Variants in TCF12 observed in about 807,000 individuals in gnomAD.
TCF12 encodes DNA-binding protein HTF4.
Under a neutral mutation model 86.0 loss-of-function variants are expected in TCF12, and 45 were observed. The observed-to-expected ratio is 0.52, with a 90% CI of 0.41 to 0.67. The LOEUF is 0.67. Among genes scored for constraint, TCF12 ranks in the 30% least tolerant of loss-of-function variants. The pLI, the probability that TCF12 is intolerant of heterozygous loss-of-function variation, is 0.00. For missense variants in TCF12, 881 were observed against 859.9 expected (o/e 1.02, Z -0.31); for synonymous variants, 330 against 299.6 (o/e 1.10, Z -1.05).
chr15:57,184,263 A>G (rs987642849), intron 6 of TCF12, among the ~76,000 whole-genome samples: 5 of 152,184 alleles, frequency 3.3e-5, no homozygotes, highest in African/African-American at 1.2e-4. Flanking sequence ...GCCATAGCCA[A>G]TACATAAATG....
intron 3 of TCF12, among the ~76,000 whole-genome samples, chr15:56,967,305 G>GA (rs574203841): frequency 5.6e-4 from 80 of 142,932 alleles, no homozygotes; most frequent in Admixed American, 6.9e-4. Flanking sequence ...TAAATACAAA[G>GA]AAAAAAAAAA....
chr15:56,989,730 C>G (rs1221335477), intron 3 of TCF12, among the ~76,000 whole-genome samples: 1 of 152,074 alleles, frequency 6.6e-6, no homozygotes, highest in Non-Finnish European at 1.5e-5. Flanking sequence ...CTTTTTGTCT[C>G]CCTAGTAGAA....
At chr15:57,261,613 C>T (rs1463733774) in intron 16 of TCF12, among the ~76,000 whole-genome samples, 2 of 152,008 alleles carry the variant, frequency 1.3e-5, no homozygotes, top group Non-Finnish European at 2.9e-5. Flanking sequence ...AAACTTCATC[C>T]GTAACAAGTT....
chr15:56,981,628 C>G lies in TCF12; in HGVS notation c.148+60530C>G, dbSNP rs543443830. On this transcript the variant is annotated intron_variant, in intron 3 of 20. Coordinates refer to ENST00000333725, the MANE Select transcript of TCF12 (RefSeq NM_207037.2). ...TTGAACAACATGGGGGTTAGAGGCT[C>G]TGACTCCCCACACAGCAAAATCTCT... Among the ~76,000 whole-genome samples the G allele has an allele frequency of 3.9e-5, 6 of 152,286 alleles. No homozygotes were observed. In the East Asian group the frequency reaches 1.2e-3, roughly 29 times the overall value.
intron 3 of TCF12, among the ~76,000 whole-genome samples, chr15:56,935,934 A>G (rs994200728): frequency 6.6e-6 from 1 of 152,140 alleles, no homozygotes; most frequent in Non-Finnish European, 1.5e-5. Flanking sequence ...TATTTTTGCA[A>G]TTGTGAATTG....
chr15:57,105,904 AG>A (rs112322470), intron 5 of TCF12, among the ~76,000 whole-genome samples: 3 of 152,330 alleles, frequency 2.0e-5, no homozygotes, highest in African/African-American at 7.2e-5. Flanking sequence ...GTTCGTTATA[AG>A]GGGTATTTAA....
chr15:57,232,664 A>T, intron 10 of TCF12, 48 bp from the exon 11 acceptor site: 1 of 1,570,934 alleles, frequency 6.4e-7, no homozygotes, highest in Non-Finnish European at 8.6e-7. Context: ...TTTTATGTGA[A>T]TATTATTCAG....
At chr15:57,135,551 T>A (rs1237278032) in intron 5 of TCF12, among the ~76,000 whole-genome samples, 1 of 152,198 alleles carries the variant, frequency 6.6e-6, no homozygotes, top group Non-Finnish European at 1.5e-5. Flanking sequence ...GATCAAGCAG[T>A]GTCAATTATG....
At chr15:57,001,030 T>TG (rs2141050027) in intron 3 of TCF12, among the ~76,000 whole-genome samples, 1 of 150,178 alleles carries the variant, frequency 6.7e-6, no homozygotes, top group East Asian at 1.9e-4. Context: ...TTTTTTTTTT[T>TG]TGAGACGGAG....
At chr15:57,178,687 C>T (rs192691702) in intron 6 of TCF12, among the ~76,000 whole-genome samples, 3 of 152,122 alleles carry the variant, frequency 2.0e-5, no homozygotes, top group Non-Finnish European at 4.4e-5. Flanking sequence ...TCAGTTAGCC[C>T]TTTTTAATAA....
intron 12 of TCF12, among the ~76,000 whole-genome samples, chr15:57,235,066 C>T (rs1389605968): frequency 6.6e-6 from 1 of 152,164 alleles, no homozygotes; most frequent in Non-Finnish European, 1.5e-5. Context: ...TTCTCTACAG[C>T]TGAATACCAG....
intron 3 of TCF12, among the ~76,000 whole-genome samples, chr15:57,000,354 T>A (rs927950859): frequency 2.0e-5 from 3 of 152,272 alleles, no homozygotes; most frequent in Non-Finnish European, 2.9e-5. Context: ...GTCTGTTTTT[T>A]TTTTTTTTAA....
chr15:57,279,002 CT>C lies in TCF12; in HGVS notation c.1979-3439del, dbSNP rs1161137124. Among the ~76,000 whole-genome samples, 12 of 113,306 alleles carry C rather than the reference CT, an allele frequency of 1.1e-4. No individual in the cohort carries two copies. In the Admixed American group the frequency reaches 1.1e-3, roughly 11 times the overall value. The allele number at this position is 113,306 out of a possible 152,430, so 74.3% of individuals were successfully genotyped here. ...CTTGTATTTTCTTTTCTTTCCTTTCCTTTTCTTTCTTCCTCAGGGTTTTGCT... is the reference window on the plus strand; with the variant it reads ...CTTGTATTTTCTTTTCTTTCCTTTCCTTTCTTTCTTCCTCAGGGTTTTGCT... On this transcript the variant is annotated intron_variant, in intron 19 of 20. Coordinates refer to ENST00000333725, the MANE Select transcript of TCF12 (RefSeq NM_207037.2).
At chr15:57,010,120 A>T (rs1307262458) in intron 3 of TCF12, among the ~76,000 whole-genome samples, 1 of 152,100 alleles carries the variant, frequency 6.6e-6, no homozygotes, top group Non-Finnish European at 1.5e-5. Context: ...CACGCAGTAC[A>T]TGTTTTACTT....
At chr15:57,005,930 C>T (rs970304579) in intron 3 of TCF12, among the ~76,000 whole-genome samples, 5 of 152,212 alleles carry the variant, frequency 3.3e-5, no homozygotes, top group East Asian at 1.9e-4. Flanking sequence ...GTGAAAAGTC[C>T]GCTGCCCTTC....
chr15:57,115,447 A>G (rs376564025), intron 5 of TCF12, among the ~76,000 whole-genome samples: 11 of 152,164 alleles, frequency 7.2e-5, no homozygotes, highest in South Asian at 2.1e-4. Flanking sequence ...ACAAACAACT[A>G]TTATTACCTG....
intron 3 of TCF12, among the ~76,000 whole-genome samples, chr15:56,979,831 G>A (rs189705839): frequency 6.6e-6 from 1 of 152,228 alleles, no homozygotes; most frequent in Admixed American, 6.5e-5. Context: ...TCTGTGACCT[G>A]TACCCTGAAA....
intron 3 of TCF12, among the ~76,000 whole-genome samples, chr15:56,996,090 T>C (rs1008201073): frequency 2.4e-4 from 36 of 152,238 alleles, no homozygotes; most frequent in African/African-American, 8.2e-4. Flanking sequence ...ATCACATTTA[T>C]TGATTTGTGT....
chr15:57,247,153 C>T, intron 13 of TCF12: 2 of 546,836 alleles, frequency 3.7e-6, no homozygotes, highest in South Asian at 3.3e-5. Context: ...CACCGTCACT[C>T]CACCACCACC....
Sources: allele counts gnomAD v4.1 joint callset (sites outside exome capture counted in the v4.1 genomes callset), GRCh38; gene constraint gnomAD v4.1.1; transcripts MANE v1.5; gene names NCBI Gene and HGNC (gene_info 2026-07-23, HGNC 2026-07-21).